FHIT: variants seen among roughly 807,000 people sequenced by gnomAD.
FHIT encodes fragile histidine triad diadenosine triphosphatase.
A neutral mutation model predicts 17.9 loss-of-function variants in FHIT; 19 were observed. The observed-to-expected ratio is 1.06, with a 90% CI of 0.74 to 1.56. FHIT has a LOEUF of 1.56. Among genes scored for constraint, FHIT ranks in the 40% most tolerant of loss-of-function variants. The probability of loss-of-function intolerance (pLI) is 0.00; values close to 1 mark genes in which losing one functional copy is unlikely to be tolerated. For synonymous variants in FHIT, 81 were observed against 69.7 expected, an observed-to-expected ratio of 1.16 and a Z score of -0.81; for missense variants, 248 against 189.2, an observed-to-expected ratio of 1.31 and a Z score of -1.82.
intron 7 of FHIT, among the ~76,000 whole-genome samples, chr3:59,959,977 T>G (rs113020792): frequency 0.017 from 2,600 of 152,166 alleles, 76 homozygotes; most frequent in African/African-American, 0.053. Flanking sequence ...TATAAAGTAT[T>G]CAAGGAGCTA....
At chr3:61,238,155 T>C (rs1174133015) in intron 1 of FHIT, among the ~76,000 whole-genome samples, 1 of 152,060 alleles carries the variant, frequency 6.6e-6, no homozygotes, top group Non-Finnish European at 1.5e-5. Flanking sequence ...ATTAACACAA[T>C]AAACAAAGCA....
chr3:60,192,961 T>C (rs1702473214), intron 5 of FHIT, among the ~76,000 whole-genome samples: 1 of 152,214 alleles, frequency 6.6e-6, no homozygotes, highest in Non-Finnish European at 1.5e-5. Context: ...GAATATTCTC[T>C]CTGTGTTCTT....
intron 5 of FHIT, among the ~76,000 whole-genome samples, chr3:60,105,148 T>C (rs554607450): frequency 6.6e-6 from 1 of 152,266 alleles, no homozygotes; most frequent in Admixed American, 6.5e-5. Flanking sequence ...GGTTATTGTT[T>C]GGATACAAAA....
intron 2 of FHIT, among the ~76,000 whole-genome samples, chr3:61,172,806 C>T (rs573669689): frequency 1.6e-4 from 24 of 145,540 alleles, no homozygotes; most frequent in Admixed American, 1.4e-3. Context: ...CCCACTGATG[C>T]CAGTTCTCTC....
intron 3 of FHIT, among the ~76,000 whole-genome samples, chr3:60,958,514 G>C (rs574038074): frequency 6.6e-6 from 1 of 152,284 alleles, no homozygotes; most frequent in African/African-American, 2.4e-5. Context: ...AGGTTACACT[G>C]GTATGTTTTA....
chr3:60,558,676 A>G (rs897369658), intron 4 of FHIT, among the ~76,000 whole-genome samples: 3 of 152,140 alleles, frequency 2.0e-5, no homozygotes, highest in Non-Finnish European at 4.4e-5. Flanking sequence ...TATACCAGGA[A>G]GGGCCCAGGC....
chr3:60,549,630 T>C (rs2036481002), intron 4 of FHIT, among the ~76,000 whole-genome samples: 1 of 152,144 alleles, frequency 6.6e-6, no homozygotes, highest in African/African-American at 2.4e-5. Context: ...TGCCAGGCAT[T>C]CTCTAATTCT....
At chr3:61,088,130 C>A (rs1409701317) in intron 2 of FHIT, among the ~76,000 whole-genome samples, 2 of 152,054 alleles carry the variant, frequency 1.3e-5, no homozygotes, top group African/African-American at 4.8e-5. Flanking sequence ...TCATCTCTGC[C>A]CTCAAGTTAA....
chr3:60,003,385 C>A lies in FHIT; in HGVS notation c.279+7986G>T, dbSNP rs556034924. Among the ~76,000 whole-genome samples the A allele has an allele frequency of 2.8e-4, 42 of 152,228 alleles. 1 individual carries two copies. The highest frequency in any genetic ancestry group is 6.8e-3 in the Middle Eastern group (2 of 294). On this transcript the variant is annotated intron_variant, in intron 7 of 9. Transcript: ENST00000492590. The stretch of plus-strand genomic sequence containing the variant: ...AGTCAAAAGTTTGTAGCATTTGGAT[C>A]TGTTTCAGCTAAAAGGCCCAATTTC...
intron 5 of FHIT, among the ~76,000 whole-genome samples, chr3:60,189,902 A>T (rs1702326820): frequency 6.6e-6 from 1 of 152,206 alleles, no homozygotes; most frequent in Admixed American, 6.5e-5. Flanking sequence ...TTAGAGGTGG[A>T]AGCCATGTAT....
chr3:60,639,785 G>T (rs1219528772), intron 4 of FHIT, among the ~76,000 whole-genome samples: 2 of 152,122 alleles, frequency 1.3e-5, no homozygotes, highest in African/African-American at 4.8e-5. Flanking sequence ...GTAAATTGGG[G>T]TAAGTACCAC....
chr3:61,239,317 T>C (rs2040310501), intron 1 of FHIT, among the ~76,000 whole-genome samples: 1 of 152,168 alleles, frequency 6.6e-6, no homozygotes, highest in Non-Finnish European at 1.5e-5. Context: ...CAGTCTCCCT[T>C]TCCCTCTCTA....
At chr3:59,908,031 T>C (rs1403240930) in intron 8 of FHIT, among the ~76,000 whole-genome samples, 5 of 152,172 alleles carry the variant, frequency 3.3e-5, no homozygotes, top group African/African-American at 1.2e-4. Flanking sequence ...TCCAAGGTCA[T>C]CTCCTTATCT....
intron 3 of FHIT, among the ~76,000 whole-genome samples, chr3:60,871,845 T>C (rs1704430532): frequency 6.6e-6 from 1 of 152,044 alleles, no homozygotes; most frequent in Admixed American, 6.6e-5. Context: ...TTATTTTTTG[T>C]AGAGACGAGG....
chr3:60,190,183 T>C (rs1462522871), intron 5 of FHIT, among the ~76,000 whole-genome samples: 4 of 152,188 alleles, frequency 2.6e-5, no homozygotes, highest in Non-Finnish European at 4.4e-5. Context: ...TGAATTGTGA[T>C]TGACTGATGA....
intron 8 of FHIT, among the ~76,000 whole-genome samples, chr3:59,805,131 T>C (rs1250663301): frequency 6.6e-6 from 1 of 152,052 alleles, no homozygotes; most frequent in Non-Finnish European, 1.5e-5. Context: ...AATAAGAAAC[T>C]CAAAGTGTCC....
chr3:60,264,407 AG>A (rs1706466880), intron 5 of FHIT, among the ~76,000 whole-genome samples: 1 of 151,978 alleles, frequency 6.6e-6, no homozygotes, highest in Admixed American at 6.6e-5. Context: ...TAGCTAGAAA[AG>A]CTAAAGCTTA....
intron 7 of FHIT, among the ~76,000 whole-genome samples, chr3:59,968,020 G>A (rs1200597565): frequency 1.3e-5 from 2 of 152,056 alleles, no homozygotes; most frequent in East Asian, 3.9e-4. Flanking sequence ...ACACAGCAGG[G>A]CTCAAGCAAG....
chr3:59,806,656 ATGTATACATATATATGTGTATATATATG>A, intron 8 of FHIT, among the ~76,000 whole-genome samples: 1 of 35,426 alleles, frequency 2.8e-5, no homozygotes, highest in Admixed American at 3.4e-4. Context: ...ATACATATAT[ATGTATACATATATATGTGTATATATATG>A]TATATACATA....
Sources: gnomAD v4.1 joint callset for allele counts (sites outside exome capture counted in the v4.1 genomes callset) on GRCh38, gnomAD v4.1.1 for gene constraint, MANE v1.5 for transcripts, NCBI Gene and HGNC (gene_info 2026-07-23, HGNC 2026-07-21) for gene names.